The following FBH1 variants were observed in gnomAD, a reference collection of about 807,000 sequenced individuals.
The protein encoded by FBH1 is F-box DNA helicase 1.
In FBH1, 43 loss-of-function variants were observed where a neutral mutation model predicts 115.5. The ratio of observed to expected loss-of-function variants is 0.37; its 90% CI spans 0.29 to 0.48. The LOEUF (loss-of-function observed/expected upper bound fraction) is 0.48. FBH1 is among the 20% of genes least tolerant of loss of function. The pLI is 0.99. For missense variants in FBH1, 1,001 were observed against 1,337.3 expected (o/e 0.75, Z 3.92); for synonymous variants, 524 against 507.8 (o/e 1.03, Z -0.43).
In FBH1 at chr10:5,909,330, A is replaced by G; in HGVS notation, c.1020+36A>G. The G allele has an allele frequency of 6.3e-7, 1 of 1,590,416 alleles. No homozygotes were observed. Among genetic ancestry groups the G allele is most frequent in the Non-Finnish European group, 8.5e-7 (1 of 1,173,542 alleles). ...AGGCTGCGGGAGAAGGCGGCATGTT[A>G]TTTCACTGGAGGAAAGTGTACTGGT... is the stretch of plus-strand genomic sequence containing the variant. On this transcript the variant is annotated intron_variant, in intron 5 of 20. Transcript: ENST00000362091. This position sits in a 1 kb window ranked among gnomAD's most constrained non-coding sequence, Gnocchi z 4.4.
At chr10:5,902,225 T>G (rs2131883142) in intron 1 of FBH1, among the ~76,000 whole-genome samples, 4 of 152,234 alleles carry the variant, frequency 2.6e-5, no homozygotes, top group Admixed American at 2.6e-4. Flanking sequence ...TGTGTGCCCT[T>G]TGGTCCTTCT....
In FBH1 at chr10:5,914,519, C is replaced by T. The variant is rs890018300; in HGVS notation, c.1396+250C>T. ...CAGCAGTTAGTTGGTCGGGCAGATG[C>T]CCCCGGGATTGAGCCCAGCATTGTG... On this transcript the variant is annotated intron_variant, in intron 8 of 20. Transcript: ENST00000362091. This position sits in a 1 kb window ranked among gnomAD's most constrained non-coding sequence, Gnocchi z 5.2. Among the ~76,000 whole-genome samples, 16 of 152,328 alleles carry T rather than the reference C, an allele frequency of 1.1e-4. No individual in the cohort carries two copies. The highest frequency in any genetic ancestry group is 5.9e-5 in the Non-Finnish European group (4 of 68,024).
chr10:5,902,452 C>A (rs7912210), intron 1 of FBH1, among the ~76,000 whole-genome samples: 7,313 of 152,154 alleles, frequency 0.048, 247 homozygotes, highest in East Asian at 0.15. Context: ...AGTTAAGGAA[C>A]AGATGCCAAA....
chr10:5,928,117 A>G (rs1424739063), intron 19 of FBH1, among the ~76,000 whole-genome samples: 2 of 135,700 alleles, frequency 1.5e-5, no homozygotes, highest in African/African-American at 5.3e-5. Flanking sequence ...GTGGTCATGT[A>G]TTTCTTAATT....
Position 5,924,843 on chromosome 10 carries a change from G to A in FBH1, c.2596+335G>A, listed in dbSNP as rs55639163. 37,684 of 433,648 alleles carry A rather than the reference G, an allele frequency of 0.087. 1,825 individuals carry two copies. The highest frequency in any genetic ancestry group is 0.12 in the Middle Eastern group (361 of 2,892). 26.9% of individuals were successfully genotyped at this position (433,648 alleles called of 1,614,324 possible). On this transcript the variant is annotated intron_variant, in intron 17 of 20. Transcript: ENST00000362091. This position sits in a 1 kb window ranked among gnomAD's most constrained non-coding sequence, Gnocchi z 6.2. ...GACCTCCCAAAGTGCTAGAATTACA[G>A]GCGTGAGCCACTGCGCCCAGCCTCT... is the stretch of plus-strand genomic sequence containing the variant.
In FBH1 at chr10:5,910,784, T is replaced by A. The variant is rs943439427; in HGVS notation, c.1021-154T>A. On this transcript the variant is annotated intron_variant, in intron 5 of 20. Transcript: ENST00000362091. The surrounding 1 kb of genome is among the most constrained non-coding windows in gnomAD (Gnocchi z 4.8). ...GGGCGAACAGAAGGGCTCCCCTGTT[T>A]CCCAAATACAACTTGGAAAGTTTGG... Among the ~76,000 whole-genome samples, 2 of 152,214 alleles carry A rather than the reference T, an allele frequency of 1.3e-5. No homozygotes were observed. Among genetic ancestry groups the A allele is most frequent in the Non-Finnish European group, 2.9e-5 (2 of 68,028 alleles).
At position 5,903,111 on chromosome 10, in the gene FBH1, A is replaced by T; in HGVS notation, c.93A>T (p.Arg31Ser). 6.2e-7 allele frequency: 1 copy of T among 1,613,942 alleles called. No homozygotes were observed. The highest frequency in any genetic ancestry group is 8.5e-7 in the Non-Finnish European group (1 of 1,179,926). The change falls in exon 2 of 21, where the codon AGA becomes AGT. Residue 31 changes from arginine to serine, a missense_variant. Coordinates refer to ENST00000362091, the MANE Select transcript of FBH1 (RefSeq NM_178150.3). ...HLAVTQPFGQRWTNRDPNHGL... is the reference protein window; with the variant it reads ...HLAVTQPFGQSWTNRDPNHGL... ...CTGTGACCCAGCCCTTCGGTCAAAG[A>T]TGGACAAACAGAGATCCGAACCATG...
At chr10:5,902,321 TA>T (rs1232506679) in intron 1 of FBH1, among the ~76,000 whole-genome samples, 3 of 152,194 alleles carry the variant, frequency 2.0e-5, no homozygotes, top group Admixed American at 6.5e-5. Context: ...TTACTACAAT[TA>T]AAAAAAATTT....
Position 5,910,907 on chromosome 10 carries a change from G to A in FBH1, c.1021-31G>A. On this transcript the variant is annotated intron_variant, in intron 5 of 20. Transcript: ENST00000362091. This position sits in a 1 kb window ranked among gnomAD's most constrained non-coding sequence, Gnocchi z 4.8. ...TCGTATTAACCATGGCCTGTGGGCT[G>A]TCCCTCCCTCCCTGTGCACCTGGCT... is the stretch of plus-strand genomic sequence containing the variant. 6.3e-7 allele frequency: 1 copy of A among 1,587,050 alleles called. No individual in the cohort carries two copies. Among genetic ancestry groups the A allele is most frequent in the Non-Finnish European group, 8.6e-7 (1 of 1,168,722 alleles).
chr10:5,893,277 G>C (rs188344766), intron 1 of FBH1, among the ~76,000 whole-genome samples: 1 of 152,310 alleles, frequency 6.6e-6, no homozygotes, highest in Non-Finnish European at 1.5e-5. Flanking sequence ...TTGTACCCCA[G>C]CCTGGACCAC....
rs1832519662 is a variant in FBH1, at chr10:5,924,590, C to T, written c.2596+82C>T. The stretch of plus-strand genomic sequence containing the variant: ...TGCTGTTCTTTTTTTTTTTTTGAGA[C>T]AGAGTATTGCTCTGTTGCCCAGGCT... On this transcript the variant is annotated intron_variant, in intron 17 of 20. Coordinates refer to ENST00000362091, the MANE Select transcript of FBH1 (RefSeq NM_178150.3). The surrounding 1 kb of genome is among the most constrained non-coding windows in gnomAD (Gnocchi z 6.2). The T allele has an allele frequency of 8.2e-6, 11 of 1,345,708 alleles. No homozygotes were observed. The South Asian group carries it at 1.3e-4, about 16-fold the overall frequency. 83.4% of individuals were successfully genotyped at this position (1,345,708 alleles called of 1,614,324 possible).
rs1302998513 is a variant in FBH1, at chr10:5,909,419, C to T, written c.1020+125C>T. On this transcript the variant is annotated intron_variant, in intron 5 of 20. Transcript: ENST00000362091. The surrounding 1 kb of genome is among the most constrained non-coding windows in gnomAD (Gnocchi z 4.4). ...AATGTCTGTATTTAATCTCTGAATG[C>T]TTTGAAGCATTCATGTTGTCATTGT... 3 of 1,141,372 alleles carry T rather than the reference C, an allele frequency of 2.6e-6. No individual in the cohort carries two copies. The highest frequency in any genetic ancestry group is 5.8e-5 in the Admixed American group (2 of 34,490). 70.7% of individuals were successfully genotyped at this position (1,141,372 alleles called of 1,614,324 possible).
Position 5,935,109 on chromosome 10 carries a change from C to T in FBH1, c.2830-1347C>T, listed in dbSNP as rs964055836. 1 of 152,208 alleles carries T rather than the reference C, an allele frequency of 6.6e-6. No homozygotes were observed. Among genetic ancestry groups the T allele is most frequent in the African/African-American group, 2.4e-5 (1 of 41,450 alleles). The allele number at this position is 152,208 out of a possible 1,614,324, so 9.4% of individuals were successfully genotyped here. On this transcript the variant is annotated intron_variant, in intron 19 of 20. Transcript: ENST00000362091. This position sits in a 1 kb window ranked among gnomAD's most constrained non-coding sequence, Gnocchi z 5.2. ...AGTCATGTTTTGTGAAACTTTTCTTCCATGTGTGTTTCTTACATATGTGCG... is the reference window on the plus strand; with the variant it reads ...AGTCATGTTTTGTGAAACTTTTCTTTCATGTGTGTTTCTTACATATGTGCG...
chr10:5,904,218 A>G (rs529383774), intron 2 of FBH1, among the ~76,000 whole-genome samples: 2 of 152,072 alleles, frequency 1.3e-5, no homozygotes, highest in South Asian at 4.1e-4. Context: ...TTTTTTGTAG[A>G]GACAGGGTTT....
At chr10:5,893,024 G>A (rs1842820745) in intron 1 of FBH1, among the ~76,000 whole-genome samples, 1 of 152,208 alleles carries the variant, frequency 6.6e-6, no homozygotes, top group Admixed American at 6.5e-5. Context: ...AATTGGATGA[G>A]GCCGGGCGCG....
In FBH1 at chr10:5,903,002, C is replaced by T. The variant is rs1418878639; in HGVS notation, c.2-18C>T. ...ACTAATGAATATCCCCTTTCTTCTA[C>T]CTGCTGGTATGAAACAGTGAGACGG... is the stretch of plus-strand genomic sequence containing the variant. On this transcript the variant is annotated intron_variant, in intron 1 of 20. Transcript: ENST00000362091. The T allele has an allele frequency of 6.3e-7, 1 of 1,591,970 alleles. No homozygotes were observed. The highest frequency in any genetic ancestry group is 1.3e-5 in the African/African-American group (1 of 74,186).
Position 5,937,516 on chromosome 10 carries a change from A to AT in FBH1, c.*237dup, listed in dbSNP as rs1399401246. On this transcript the variant is annotated 3_prime_UTR_variant, in exon 21 of 21. Transcript: ENST00000362091. ...CAGGGAAGTGGGGGATGTTCTTTTG[A>AT]TAAAAAAAAAAAAAAAAATTTATGT... 2.3e-4 allele frequency: 52 copies of AT among 229,960 alleles called. No individual in the cohort carries two copies. The highest frequency in any genetic ancestry group is 3.4e-4 in the Non-Finnish European group (47 of 140,286). The allele number at this position is 229,960 out of a possible 1,614,324, so 14.2% of individuals were successfully genotyped here.
Position 5,925,383 on chromosome 10 carries a change from T to C in FBH1, c.2613T>C (p.Thr871=), listed in dbSNP as rs761336979. 3.1e-6 allele frequency: 5 copies of C among 1,614,182 alleles called. No homozygotes were observed. The Admixed American group carries it at 6.7e-5, about 22-fold the overall frequency. Residue 871 remains threonine, a synonymous_variant, in exon 18 of 21, where the codon ACT becomes ACC. Coordinates refer to ENST00000362091, the MANE Select transcript of FBH1 (RefSeq NM_178150.3). The surrounding 1 kb of genome is among the most constrained non-coding windows in gnomAD (Gnocchi z 4.6). ...TTATCCTAGAGTACATTCTGGGCACTGTGCACAAAGCCAAAGGCCTGGAGT... is the reference window on the plus strand; with the variant it reads ...TTATCCTAGAGTACATTCTGGGCACCGTGCACAAAGCCAAAGGCCTGGAGT... The part of the protein sequence containing the change: ...DLDFAEYILG[T]VHKAKGLEFD...
chr10:5,895,115 C>T lies in FBH1; in HGVS notation c.1+4769C>T, dbSNP rs1208945709. ...TGATAATGGGCTACATTGCGCAGGG[C>T]CCCTGGGCCATCTCCACAGGAGATG... On this transcript the variant is annotated intron_variant, in intron 1 of 20. Coordinates refer to ENST00000362091, the MANE Select transcript of FBH1 (RefSeq NM_178150.3). This position sits in a 1 kb window ranked among gnomAD's most constrained non-coding sequence, Gnocchi z 5.0. The T allele has an allele frequency of 1.2e-6, 2 of 1,614,010 alleles. No homozygotes were observed.
Sources: gnomAD v4.1 joint callset for allele counts (sites outside exome capture counted in the v4.1 genomes callset) on GRCh38, gnomAD v4.1.1 for gene constraint, Gnocchi (gnomAD v3.1) non-coding constraint, MANE v1.5 for transcripts, NCBI Gene and HGNC (gene_info 2026-07-23, HGNC 2026-07-21) for gene names.